NLRP2: variants seen among roughly 807,000 people sequenced by gnomAD.
NLRP2 encodes NLR family pyrin domain containing 2.
In NLRP2, 107 loss-of-function variants were observed where a neutral mutation model predicts 97.2. The ratio of observed to expected loss-of-function variants is 1.10; its 90% CI spans 0.94 to 1.29. The LOEUF is 1.29. Ranked by LOEUF, NLRP2 falls within the 50% of genes most tolerant of loss-of-function variation. The pLI, the probability that NLRP2 is intolerant of heterozygous loss-of-function variation, is 0.00. For synonymous variants in NLRP2, 663 were observed against 551.5 expected (o/e 1.20, Z -2.83); for missense variants, 1,495 against 1,330.3 (o/e 1.12, Z -1.93).
chr19:54,972,096 C>T (rs1406761033), intron 2 of NLRP2, among the ~76,000 whole-genome samples: 1 of 151,638 alleles, frequency 6.6e-6, no homozygotes, highest in Admixed American at 6.6e-5. Flanking sequence ...CCCGCCTCGG[C>T]CTCCCAAAGT....
intron 10 of NLRP2, 166 bp from the exon 11 acceptor site, chr19:54,994,103 C>G: frequency 1.3e-6 from 1 of 764,714 alleles, no homozygotes; most frequent in Admixed American, 2.0e-5. Context: ...ACTTGGACAT[C>G]TTTAGGGGAG....
At chr19:54,968,200 G>A (rs2070600650) in intron 1 of NLRP2, among the ~76,000 whole-genome samples, 2 of 144,242 alleles carry the variant, frequency 1.4e-5, no homozygotes, top group African/African-American at 5.2e-5. Context: ...TTACAGGCGT[G>A]AGCCACCGCA....
intron 2 of NLRP2, chr19:54,974,087 G>T (rs1442164792): frequency 2.2e-6 from 2 of 894,426 alleles, no homozygotes; most frequent in Non-Finnish European, 3.6e-6. Flanking sequence ...CAAGCGCGGT[G>T]GCTCACGCCT....
intron 8 of NLRP2, chr19:54,989,630 G>C (rs925102990): frequency 3.2e-6 from 1 of 315,264 alleles, no homozygotes. Context: ...AATTCAAGTC[G>C]GGGTATAACA....
chr19:54,990,629 TG>T lies in NLRP2; in HGVS notation c.2666del (p.Cys889LeufsTer4). On this transcript the variant is annotated frameshift_variant, in exon 10 of 13. Transcript: ENST00000448584. LOFTEE classifies it high-confidence loss of function. ...TGGGAATACAGGGGTGAAGTTTCTG[TG>T]TGAGGGCTTGAGGTACCCCGAGTGT... The part of the protein sequence containing the change: ...PIGNTGVKFL[C>X]EGLRYPECKL... The T allele has an allele frequency of 6.2e-7, 1 of 1,614,120 alleles. No individual in the cohort carries two copies. The highest frequency in any genetic ancestry group is 8.5e-7 in the Non-Finnish European group (1 of 1,180,028).
Position 54,982,760 on chromosome 19 carries a change from A to G in NLRP2, c.1062A>G (p.Ile354Met), listed in dbSNP as rs1221767114. The G allele has an allele frequency of 6.2e-7, 1 of 1,613,952 alleles. No homozygotes were observed. The highest frequency in any genetic ancestry group is 1.3e-5 in the African/African-American group (1 of 74,918). Residue 354 changes from isoleucine (I) to methionine (M), a missense_variant, in exon 6 of 13, where the codon ATA becomes ATG. Ile to Met is a conservative substitution (Grantham distance 10). Transcript: ENST00000448584. ...LRILAEEPIY[I>M]RVEGFLEEDR... Reference sequence around the variant, plus strand: ...TCCTGGCGGAGGAGCCGATCTACATAAGGGTGGAGGGCTTCCTGGAGGAGG... The same window carrying G: ...TCCTGGCGGAGGAGCCGATCTACATGAGGGTGGAGGGCTTCCTGGAGGAGG...
At chr19:54,975,159 T>A (rs2071139536) in intron 3 of NLRP2, among the ~76,000 whole-genome samples, 1 of 123,008 alleles carries the variant, frequency 8.1e-6, no homozygotes, top group South Asian at 2.9e-4. Context: ...AGGGCTTCAC[T>A]CTGTCACTTA....
At chr19:54,985,528 A>G (rs987839118) in intron 7 of NLRP2, among the ~76,000 whole-genome samples, 6 of 151,722 alleles carry the variant, frequency 4.0e-5, no homozygotes, top group Non-Finnish European at 5.9e-5. Context: ...AAATACAAAA[A>G]TTATCCAGGC....
At position 54,975,127 on chromosome 19, in the gene NLRP2, T is replaced by G. The variant is rs1185274693; in HGVS notation, c.325+583T>G. Among the ~76,000 whole-genome samples the G allele has an allele frequency of 3.4e-4, 37 of 108,646 alleles. 1 individual carries two copies. The highest frequency in any genetic ancestry group is 4.3e-4 in the African/African-American group (11 of 25,744). 71.3% of individuals were successfully genotyped at this position (108,646 alleles called of 152,430 possible). A position where few individuals can be genotyped will look rare whatever the true frequency, so the allele number is the denominator to read the frequency against. On this transcript the variant is annotated intron_variant, in intron 3 of 12. Coordinates refer to ENST00000448584, the MANE Select transcript of NLRP2 (RefSeq NM_017852.5). ...TTTTGTTTTTTTTTTTTTTTTTTTTTTTTTTTTTTTTTTTTTGAAACAGGG... is the reference window on the plus strand; with the variant it reads ...TTTTGTTTTTTTTTTTTTTTTTTTTGTTTTTTTTTTTTTTTTGAAACAGGG...
Position 54,990,691 on chromosome 19 carries a change from C to T in NLRP2, c.2708+19C>T. The T allele has an allele frequency of 6.2e-7, 1 of 1,613,996 alleles. No homozygotes were observed. The highest frequency in any genetic ancestry group is 2.2e-5 in the East Asian group (1 of 44,876). ...CCTTGGTGTAAGTCCGTGCTGGCTG[C>T]CTGTGTGCGTGGGTGTATATGCACA... On this transcript the variant is annotated intron_variant, in intron 10 of 12. Coordinates refer to ENST00000448584, the MANE Select transcript of NLRP2 (RefSeq NM_017852.5).
intron 4 of NLRP2, 51 bp from the exon 5 acceptor site, chr19:54,981,566 A>C: frequency 1.2e-6 from 1 of 846,862 alleles, no homozygotes. Context: ...GGGACTCCAC[A>C]GGAAATACAC....
Position 54,994,262 on chromosome 19 carries a change from T to C in NLRP2, c.2709-7T>C. ...GGGTTTGCTTTCTTCCTGTGGTTGATTTCTAGGCTTTGGAACTGCGACATA... is the reference window on the plus strand; with the variant it reads ...GGGTTTGCTTTCTTCCTGTGGTTGACTTCTAGGCTTTGGAACTGCGACATA... On this transcript the variant is annotated splice_polypyrimidine_tract_variant and splice_region_variant and intron_variant, in intron 10 of 12. Transcript: ENST00000448584. 1.9e-6 allele frequency: 3 copies of C among 1,614,130 alleles called. No homozygotes were observed. Among genetic ancestry groups the C allele is most frequent in the Middle Eastern group, 1.7e-4 (1 of 6,042 alleles).
At chr19:54,978,075 T>A (rs1405694803) in intron 4 of NLRP2, among the ~76,000 whole-genome samples, 1 of 152,102 alleles carries the variant, frequency 6.6e-6, no homozygotes, top group Non-Finnish European at 1.5e-5. Context: ...TTTTTGTTTT[T>A]GTTTTGAGAC....
intron 1 of NLRP2, among the ~76,000 whole-genome samples, chr19:54,967,578 G>A (rs564928326): frequency 6.6e-6 from 1 of 152,188 alleles, no homozygotes; most frequent in Non-Finnish European, 1.5e-5. Flanking sequence ...GCTCATAAGA[G>A]GATAGTTGTG....
In NLRP2 at chr19:54,983,301, G is replaced by A. The variant is rs765646068; in HGVS notation, c.1603G>A (p.Val535Ile). The A allele has an allele frequency of 1.2e-5, 20 of 1,614,064 alleles. No homozygotes were observed. The highest frequency in any genetic ancestry group is 4.4e-5 in the South Asian group (4 of 91,092). Residue 535 changes from valine to isoleucine, a missense_variant, in exon 6 of 13, where the codon GTA becomes ATA. Transcript: ENST00000448584. ...RDGHTWDIGD[V>I]QKLLSGVERL... ...CGGCCACACCTGGGACATTGGGGAC[G>A]TACAGAAGCTGCTTTCCGGAGTAGA...
intron 4 of NLRP2, 35 bp from the exon 5 acceptor site, chr19:54,981,582 T>G: frequency 9.0e-7 from 1 of 1,109,498 alleles, no homozygotes; most frequent in Non-Finnish European, 1.3e-6. Context: ...TACACCTGAT[T>G]TTGTGTCAAT....
intron 8 of NLRP2, among the ~76,000 whole-genome samples, chr19:54,986,733 T>C (rs2072116741): frequency 6.6e-6 from 1 of 152,014 alleles, no homozygotes; most frequent in Admixed American, 6.6e-5. Context: ...GTGCATTTAG[T>C]GGAGCTGGTT....
chr19:54,973,317 GT>G (rs1307209868), intron 2 of NLRP2, among the ~76,000 whole-genome samples: 2 of 127,004 alleles, frequency 1.6e-5, no homozygotes. Flanking sequence ...TTAGCATAAT[GT>G]TTCCTGTCTT....
intron 1 of NLRP2, among the ~76,000 whole-genome samples, chr19:54,967,392 G>C (rs1046906994): frequency 7.0e-6 from 1 of 142,190 alleles, no homozygotes; most frequent in Non-Finnish European, 1.5e-5. Context: ...TGAGGCAGGA[G>C]AATCACTTGA....
Sources: gnomAD v4.1 joint callset for allele counts (sites outside exome capture counted in the v4.1 genomes callset) on GRCh38, gnomAD v4.1.1 for gene constraint, MANE v1.5 for transcripts, NCBI Gene and HGNC (gene_info 2026-07-23, HGNC 2026-07-21) for gene names.